The following SRD5A1 variants were observed in gnomAD, a reference collection of about 807,000 sequenced individuals.
SRD5A1 encodes the protein steroid 5 alpha-reductase 1, also known as 3-oxo-5-alpha-steroid 4-dehydrogenase 1.
SRD5A1 carries 22 observed loss-of-function variants against 28.2 expected under a neutral mutation model. The ratio of observed to expected loss-of-function variants is 0.78; its 90% confidence interval spans 0.56 to 1.12. The LOEUF (loss-of-function observed/expected upper bound fraction) is 1.12. SRD5A1 is among the 50% of genes most tolerant of loss of function. SRD5A1 has a pLI of 0.00. For synonymous variants in SRD5A1, 151 were observed against 135.0 expected (o/e 1.12, Z -0.82); for missense variants, 300 against 346.7 (o/e 0.87, Z 1.07).
chr5:6,656,909 T>TAATTC (rs1554002080), intron 3 of SRD5A1, among the ~76,000 whole-genome samples: 3 of 152,184 alleles, frequency 2.0e-5, no homozygotes, highest in Non-Finnish European at 4.4e-5. Flanking sequence ...AGGGAGAGCG[T>TAATTC]AATTCAACAT....
At chr5:6,645,785 C>CT (rs1015550399) in intron 1 of SRD5A1, among the ~76,000 whole-genome samples, 1 of 152,134 alleles carries the variant, frequency 6.6e-6, no homozygotes, top group African/African-American at 2.4e-5. Flanking sequence ...CACCCTGACT[C>CT]TATTTTTGCC....
chr5:6,655,736 C>T (rs916429394), intron 2 of SRD5A1, among the ~76,000 whole-genome samples: 11 of 152,192 alleles, frequency 7.2e-5, no homozygotes, highest in African/African-American at 2.7e-4. Context: ...AAGTGGGATG[C>T]GTCTGTCTGG....
chr5:6,635,933 C>T (rs960278972), intron 1 of SRD5A1, among the ~76,000 whole-genome samples: 13 of 152,248 alleles, frequency 8.5e-5, no homozygotes, highest in Admixed American at 2.6e-4. Flanking sequence ...GAGTAGAACA[C>T]GGAGGCACAG....
chr5:6,670,845 A>C lies in SRD5A1; in HGVS notation c.*2577A>C, dbSNP rs1439295130. On this transcript the variant is annotated 3_prime_UTR_variant, in exon 5 of 5. Coordinates refer to ENST00000274192, the MANE Select transcript of SRD5A1 (RefSeq NM_001047.4). ...AACCAGATCATTGCAAATACTGCTAATTGATTCCTTTTTATGGCTGAGTAG... is the reference window on the plus strand; with the variant it reads ...AACCAGATCATTGCAAATACTGCTACTTGATTCCTTTTTATGGCTGAGTAG... 6.6e-6 allele frequency: 1 copy of C among 152,214 alleles called. No individual in the cohort carries two copies. Among genetic ancestry groups the C allele is most frequent in the Non-Finnish European group, 1.5e-5 (1 of 68,042 alleles). 9.4% of individuals were successfully genotyped at this position (152,214 alleles called of 1,614,324 possible). A position where few individuals can be genotyped will look rare whatever the true frequency, so the allele number is the denominator to read the frequency against.
At chr5:6,637,384 C>G (rs1738217109) in intron 1 of SRD5A1, among the ~76,000 whole-genome samples, 1 of 152,046 alleles carries the variant, frequency 6.6e-6, no homozygotes, top group Non-Finnish European at 1.5e-5. Flanking sequence ...GGCTTCTTCA[C>G]TCTTCCCCAC....
chr5:6,633,489 G>A lies in SRD5A1; in HGVS notation c.-88G>A, dbSNP rs1203863403. On this transcript the variant is annotated 5_prime_UTR_variant, in exon 1 of 5. Coordinates refer to ENST00000274192, the MANE Select transcript of SRD5A1 (RefSeq NM_001047.4). ...CGGGACTCCGGTAGCCGCCCCTCCG[G>A]TAGCCGCCCCTCCTGCCCCCGCGCC... 2 of 1,353,854 alleles carry A rather than the reference G, an allele frequency of 1.5e-6. No homozygotes were observed. Among genetic ancestry groups the A allele is most frequent in the Non-Finnish European group, 1.9e-6 (2 of 1,050,414 alleles). The allele number at this position is 1,353,854 out of a possible 1,614,324, so 83.9% of individuals were successfully genotyped here.
intron 3 of SRD5A1, among the ~76,000 whole-genome samples, chr5:6,657,963 T>C (rs764389707): frequency 7.9e-5 from 12 of 152,182 alleles, no homozygotes; most frequent in Non-Finnish European, 1.8e-4. Context: ...CAGCAAAACT[T>C]ACCTGAGCAG....
intron 3 of SRD5A1, among the ~76,000 whole-genome samples, chr5:6,658,773 C>A (rs1433458950): frequency 8.7e-5 from 13 of 149,796 alleles, no homozygotes; most frequent in African/African-American, 2.2e-4. Flanking sequence ...AAAAAAAAAA[C>A]AAACCACAGA....
chr5:6,657,882 T>C (rs1738879582), intron 3 of SRD5A1, among the ~76,000 whole-genome samples: 2 of 152,192 alleles, frequency 1.3e-5, no homozygotes, highest in African/African-American at 4.8e-5. Flanking sequence ...ATCCAACATA[T>C]TCAAACCTGA....
intron 1 of SRD5A1, among the ~76,000 whole-genome samples, chr5:6,647,926 T>C (rs1295658274): frequency 3.9e-5 from 6 of 152,260 alleles, no homozygotes; most frequent in Non-Finnish European, 8.8e-5. Flanking sequence ...TTTCCATGTT[T>C]AGTGCTTCCT....
At chr5:6,662,339 T>G (rs1739032802) in intron 3 of SRD5A1, among the ~76,000 whole-genome samples, 1 of 152,226 alleles carries the variant, frequency 6.6e-6, no homozygotes, top group African/African-American at 2.4e-5. Flanking sequence ...GAGTTCATGG[T>G]TCTAGATGTG....
chr5:6,663,032 G>T (rs779027112), intron 4 of SRD5A1, 66 bp downstream of exon 4: 17 of 1,575,186 alleles, frequency 1.1e-5, no homozygotes, highest in Non-Finnish European at 1.5e-5. Flanking sequence ...CATTTTTCAG[G>T]CTAGATTTTT....
chr5:6,668,165 G>A (rs757632190), intron 4 of SRD5A1, 37 bp from the exon 5 acceptor site: 24 of 1,322,866 alleles, frequency 1.8e-5, no homozygotes, highest in African/African-American at 4.5e-5. Flanking sequence ...ATGTCTAAGC[G>A]ACAGAATTAT....
Position 6,633,808 on chromosome 5 carries a change from C to A in SRD5A1, c.232C>A (p.Arg78Ser). The change falls in exon 1 of 5, where the codon CGT becomes AGT. Residue 78 changes from arginine (R) to serine (S), a missense_variant. Coordinates refer to ENST00000274192, the MANE Select transcript of SRD5A1 (RefSeq NM_001047.4). ...CCAGTACGCCAGCGAGTCCGCCCCG[C>A]GTCTCCGCAGCGCGCCCAACTGCAT... ...LYQYASESAP[R>S]LRSAPNCILL... The A allele has an allele frequency of 6.3e-7, 1 of 1,597,918 alleles. No homozygotes were observed. Among genetic ancestry groups the A allele is most frequent in the East Asian group, 2.2e-5 (1 of 44,830 alleles).
At chr5:6,634,772 T>C (rs1180197341) in intron 1 of SRD5A1, among the ~76,000 whole-genome samples, 7 of 152,280 alleles carry the variant, frequency 4.6e-5, no homozygotes. Flanking sequence ...AAACTGGCTG[T>C]GTCTGAAATC....
chr5:6,634,608 A>T (rs1400333720), intron 1 of SRD5A1, among the ~76,000 whole-genome samples: 1 of 152,180 alleles, frequency 6.6e-6, no homozygotes, highest in African/African-American at 2.4e-5. Context: ...TTCTCCTTAT[A>T]GGCTTGATCA....
intron 4 of SRD5A1, 31 bp from the exon 5 acceptor site, chr5:6,668,171 A>T: frequency 7.2e-7 from 1 of 1,388,130 alleles, no homozygotes; most frequent in Non-Finnish European, 1.0e-6. Flanking sequence ...AAGCGACAGA[A>T]TTATTTCCTT....
chr5:6,668,422 A>C lies in SRD5A1; in HGVS notation c.*154A>C, dbSNP rs1739256563. On this transcript the variant is annotated 3_prime_UTR_variant, in exon 5 of 5. Transcript: ENST00000274192. Reference sequence around the variant, plus strand: ...TTTTTTTCTAGTAATTTTGCAATCTACCTAATAAGTACCTAAATACGCTGA... The same window carrying C: ...TTTTTTTCTAGTAATTTTGCAATCTCCCTAATAAGTACCTAAATACGCTGA... 18 of 508,678 alleles carry C rather than the reference A, an allele frequency of 3.5e-5. No homozygotes were observed. In the East Asian group the frequency reaches 6.1e-4, roughly 17 times the overall value. The allele number at this position is 508,678 out of a possible 1,614,324, so 31.5% of individuals were successfully genotyped here. A position where few individuals can be genotyped will look rare whatever the true frequency, so the allele number is the denominator to read the frequency against.
chr5:6,652,127 C>T, intron 2 of SRD5A1, 119 bp downstream of exon 2: 1 of 1,188,352 alleles, frequency 8.4e-7, no homozygotes, highest in Non-Finnish European at 1.2e-6. Flanking sequence ...ACAGAGAAAG[C>T]AGCAGCACCC....
Sources: allele counts gnomAD v4.1 joint callset (sites outside exome capture counted in the v4.1 genomes callset), GRCh38; gene constraint gnomAD v4.1.1; transcripts MANE v1.5; gene names NCBI Gene and HGNC (gene_info 2026-07-23, HGNC 2026-07-21).